Variants in PTPRD observed in about 807,000 individuals in gnomAD.
The protein encoded by PTPRD is protein tyrosine phosphatase receptor type D.
PTPRD carries 34 observed loss-of-function variants against 214.5 expected under a neutral mutation model. The observed-to-expected ratio is 0.16, with a 90% CI of 0.12 to 0.21. The LOEUF is 0.21. Among genes scored for constraint, PTPRD ranks in the 10% least tolerant of loss-of-function variants. PTPRD has a pLI of 1.00. For synonymous variants in PTPRD, 1,128 were observed against 845.7 expected, an observed-to-expected ratio of 1.33 and a Z score of -5.79; for missense variants, 2,545 against 2,398.7, an observed-to-expected ratio of 1.06 and a Z score of -1.27.
chr9:9,372,518 A>T (rs1421185203), intron 9 of PTPRD, among the ~76,000 whole-genome samples: 1 of 152,012 alleles, frequency 6.6e-6, no homozygotes, highest in Non-Finnish European at 1.5e-5. Flanking sequence ...TCTGCACATG[A>T]GATGGGTTTC....
At chr9:9,885,693 T>G (rs1251939612) in intron 5 of PTPRD, among the ~76,000 whole-genome samples, 1 of 152,014 alleles carries the variant, frequency 6.6e-6, no homozygotes, top group African/African-American at 2.4e-5. Context: ...TCAAAGAATG[T>G]GGGCAACCTC....
intron 5 of PTPRD, among the ~76,000 whole-genome samples, chr9:9,812,228 T>C (rs928614312): frequency 1.3e-5 from 2 of 152,320 alleles, no homozygotes; most frequent in Non-Finnish European, 1.5e-5. Flanking sequence ...AAAAATTTTG[T>C]ATCACTCACT....
chr9:10,063,278 A>G (rs909505647), intron 3 of PTPRD, among the ~76,000 whole-genome samples: 1 of 152,122 alleles, frequency 6.6e-6, no homozygotes, highest in Non-Finnish European at 1.5e-5. Context: ...ATAAAACTGA[A>G]TCTGTCAATA....
rs1446343569 is a variant in PTPRD, at chr9:8,551,444, T to C, written c.353-22665A>G. Among the ~76,000 whole-genome samples the C allele has an allele frequency of 2.6e-5, 4 of 152,350 alleles. No individual in the cohort carries two copies. In the East Asian group the frequency reaches 7.7e-4, roughly 29 times the overall value. ...TTATTATTATAGATAAGAGAGTATA[T>C]GGCAGATCTTTTTTCTTTCTCTTTT... On this transcript the variant is annotated intron_variant, in intron 14 of 45. Coordinates refer to ENST00000381196, the MANE Select transcript of PTPRD (RefSeq NM_002839.4).
chr9:8,660,568 C>G (rs897493424), intron 12 of PTPRD, among the ~76,000 whole-genome samples: 5 of 152,138 alleles, frequency 3.3e-5, no homozygotes, highest in Non-Finnish European at 7.3e-5. Flanking sequence ...GGATCCTCCC[C>G]AGCTGGCTCC....
intron 34 of PTPRD, among the ~76,000 whole-genome samples, chr9:8,448,632 C>A (rs1195442107): frequency 6.6e-6 from 1 of 152,008 alleles, no homozygotes; most frequent in East Asian, 1.9e-4. Flanking sequence ...TTTTTAAATA[C>A]CGACATTATG....
intron 3 of PTPRD, among the ~76,000 whole-genome samples, chr9:10,121,507 T>A (rs2098775162): frequency 6.6e-6 from 1 of 152,156 alleles, no homozygotes; most frequent in Admixed American, 6.6e-5. Context: ...ACACGAGCAA[T>A]ATAACGTCAA....
intron 8 of PTPRD, among the ~76,000 whole-genome samples, chr9:9,436,181 A>G (rs1363204423): frequency 2.0e-5 from 3 of 152,170 alleles, no homozygotes; most frequent in Non-Finnish European, 4.4e-5. Flanking sequence ...TTGGGTGAAC[A>G]ATTCTGAGGT....
At chr9:9,436,383 G>C (rs944322939) in intron 8 of PTPRD, among the ~76,000 whole-genome samples, 10 of 151,812 alleles carry the variant, frequency 6.6e-5, no homozygotes, top group African/African-American at 2.4e-4. Context: ...GCTTCTCAGG[G>C]GAAAAGACTA....
chr9:8,477,949 CTGTATGT>C (rs2096798838), intron 30 of PTPRD, among the ~76,000 whole-genome samples: 1 of 152,230 alleles, frequency 6.6e-6, no homozygotes, highest in African/African-American at 2.4e-5. Context: ...GGGCAAGTCA[CTGTATGT>C]TGTGTGTTCC....
chr9:8,868,477 T>G (rs2098238156), intron 11 of PTPRD, among the ~76,000 whole-genome samples: 1 of 152,116 alleles, frequency 6.6e-6, no homozygotes, highest in Non-Finnish European at 1.5e-5. Flanking sequence ...GTGCTGGGAT[T>G]ACAGGCATGA....
intron 9 of PTPRD, among the ~76,000 whole-genome samples, chr9:9,280,812 G>T (rs1472908451): frequency 2.0e-5 from 3 of 151,076 alleles, no homozygotes; most frequent in African/African-American, 7.3e-5. Context: ...AAAAGACCCA[G>T]AATAGTCAAC....
rs975492662 is a variant in PTPRD at position 8,351,107 on chromosome 9, T to C, written c.4662-9129A>G. 1.3e-5 allele frequency among the ~76,000 whole-genome samples: 2 copies of C among 152,152 alleles called. 1 individual carries two copies. Among genetic ancestry groups the C allele is most frequent in the Admixed American group, 1.3e-4 (2 of 15,282 alleles). ...AGTTGAATAAACTATGGTATATCAATACCATGGATGTGATGTAGCAGTTAA... is the reference window on the plus strand; with the variant it reads ...AGTTGAATAAACTATGGTATATCAACACCATGGATGTGATGTAGCAGTTAA... On this transcript the variant is annotated intron_variant, in intron 39 of 45. Coordinates refer to ENST00000381196, the MANE Select transcript of PTPRD (RefSeq NM_002839.4).
intron 3 of PTPRD, among the ~76,000 whole-genome samples, chr9:10,227,952 C>T (rs572585648): frequency 6.6e-6 from 1 of 151,936 alleles, no homozygotes. Flanking sequence ...TCTTTCCAGT[C>T]ATTCAGAAAG....
intron 2 of PTPRD, among the ~76,000 whole-genome samples, chr9:10,484,929 C>T (rs1026955524): frequency 1.3e-5 from 2 of 151,948 alleles, no homozygotes; most frequent in Non-Finnish European, 2.9e-5. Context: ...TCAAGAAATA[C>T]TACCCAGATC....
chr9:9,970,687 G>A (rs1281447401), intron 4 of PTPRD, among the ~76,000 whole-genome samples: 1 of 152,098 alleles, frequency 6.6e-6, no homozygotes, highest in Non-Finnish European at 1.5e-5. Context: ...CATTCACCAG[G>A]AGTCGTCCCG....
chr9:9,596,239 G>A (rs1302238155), intron 7 of PTPRD, among the ~76,000 whole-genome samples: 3 of 151,882 alleles, frequency 2.0e-5, no homozygotes, highest in Admixed American at 6.6e-5. Context: ...CATCTTTAAT[G>A]AATATTTTGT....
At chr9:9,993,779 A>AT (rs55866197) in intron 4 of PTPRD, among the ~76,000 whole-genome samples, 126,998 of 151,994 alleles carry the variant, frequency 0.84, 53,515 homozygotes, top group Middle Eastern at 0.9. Flanking sequence ...ATTTTTTGCA[A>AT]TTTTTCTGTT....
At position 8,528,752 on chromosome 9, in the gene PTPRD, G is replaced by T. The variant is rs765464134; in HGVS notation, c.380C>A (p.Thr127Asn). ...CTTCAACTGTGGGCCCATGTCAATG[G>T]TAGGGAAGCCCCTGGGAATTTGATC... The part of the protein sequence containing the change: ...REDQIPRGFP[T>N]IDMGPQLKVV... The change falls in exon 15 of 46, where the codon ACC becomes AAC. Residue 127 changes from threonine (T) to asparagine (N), a missense_variant. By Grantham distance (65) the Thr-to-Asn change is moderately conservative (BLOSUM62 0). Coordinates refer to ENST00000381196, the MANE Select transcript of PTPRD (RefSeq NM_002839.4). 2.5e-6 allele frequency: 4 copies of T among 1,613,300 alleles called. No homozygotes were observed. Among genetic ancestry groups the T allele is most frequent in the Non-Finnish European group, 3.4e-6 (4 of 1,179,616 alleles).
Sources: gnomAD v4.1 joint callset for allele counts (sites outside exome capture counted in the v4.1 genomes callset) on GRCh38, gnomAD v4.1.1 for gene constraint, MANE v1.5 for transcripts, NCBI Gene and HGNC (gene_info 2026-07-23, HGNC 2026-07-21) for gene names.